Variants in NUP210 observed in about 807,000 individuals in gnomAD.
The protein encoded by NUP210 is nucleoporin 210, also known as nuclear pore membrane glycoprotein 210.
Under a neutral mutation model 196.0 loss-of-function variants are expected in NUP210, and 151 were observed. That is an observed-to-expected ratio of 0.77 (90% CI 0.67 to 0.88). The LOEUF (loss-of-function observed/expected upper bound fraction) is 0.88. Among genes scored for constraint, NUP210 ranks in the 40% least tolerant of loss-of-function variants. The pLI, the probability that NUP210 is intolerant of heterozygous loss-of-function variation, is 0.00. For missense variants in NUP210, 2,314 were observed against 2,493.7 expected (o/e 0.93, Z 1.53); for synonymous variants, 1,070 against 1,052.7 (o/e 1.02, Z -0.32).
chr3:13,381,099 AATCAAGTG>A (rs1363778861), intron 6 of NUP210, among the ~76,000 whole-genome samples: 1 of 152,238 alleles, frequency 6.6e-6, no homozygotes, highest in Non-Finnish European at 1.5e-5. Flanking sequence ...CCTCATCTCT[AATCAAGTG>A]ATTCTTGCAG....
Position 13,323,440 on chromosome 3 carries a change from G to A in NUP210, c.4645-8C>T, listed in dbSNP as rs757565706. The A allele has an allele frequency of 6.2e-7, 1 of 1,613,832 alleles. No homozygotes were observed. Among genetic ancestry groups the A allele is most frequent in the Non-Finnish European group, 8.5e-7 (1 of 1,179,872 alleles). On this transcript the variant is annotated splice_polypyrimidine_tract_variant and splice_region_variant and intron_variant, in intron 33 of 39. Coordinates refer to ENST00000254508, the MANE Select transcript of NUP210 (RefSeq NM_024923.4). This position sits in a 1 kb window ranked among gnomAD's most constrained non-coding sequence, Gnocchi z 4.3. ...AGGGACGCTGACCACCACCTAGAGA[G>A]GGAGCCAAGGAAGCTTCATGGAGCG...
At chr3:13,366,681 C>A (rs970113752) in intron 13 of NUP210, among the ~76,000 whole-genome samples, 3 of 151,698 alleles carry the variant, frequency 2.0e-5, no homozygotes, top group African/African-American at 4.8e-5. Context: ...CCACGCCCAG[C>A]TAATTCTTTG....
At chr3:13,417,537 G>A (rs183792832) in intron 1 of NUP210, among the ~76,000 whole-genome samples, 74 of 152,270 alleles carry the variant, frequency 4.9e-4, no homozygotes, top group Non-Finnish European at 7.9e-4. Flanking sequence ...AGAGGACTGT[G>A]GATATATGTC....
At chr3:13,362,180 C>T (rs1698393575) in intron 14 of NUP210, among the ~76,000 whole-genome samples, 1 of 152,048 alleles carries the variant, frequency 6.6e-6, no homozygotes, top group Non-Finnish European at 1.5e-5. Flanking sequence ...GAAGGAAAAA[C>T]CTTATAAGAA....
At chr3:13,369,517 C>T (rs1324596589) in intron 13 of NUP210, among the ~76,000 whole-genome samples, 1 of 152,202 alleles carries the variant, frequency 6.6e-6, no homozygotes, top group Non-Finnish European at 1.5e-5. Context: ...AGCTTTCCTC[C>T]AGTTTTCTTT....
intron 29 of NUP210, 58 bp downstream of exon 29, chr3:13,332,235 G>T: frequency 1.5e-6 from 2 of 1,351,632 alleles, no homozygotes; most frequent in Non-Finnish European, 2.1e-6. Flanking sequence ...GACACATGAG[G>T]TGTCGGATGC....
At chr3:13,375,274 C>G (rs1698862505) in intron 11 of NUP210, among the ~76,000 whole-genome samples, 2 of 151,678 alleles carry the variant, frequency 1.3e-5, no homozygotes, top group African/African-American at 4.8e-5. Flanking sequence ...CAGGTGTTAG[C>G]CACCGCACCC....
chr3:13,371,897 C>T lies in NUP210; in HGVS notation c.1723G>A (p.Asp575Asn), dbSNP rs751004485. ...GGASEVVTLSDCSHFDLAVEV... is the reference protein window; with the variant it reads ...GGASEVVTLSNCSHFDLAVEV... ...ACAGCCAAGTCAAAGTGGGAGCAGT[C>T]GCTCAAGGTGACCACCTCACTGGCC... The change falls in exon 13 of 40, where the codon GAC becomes AAC. Residue 575 changes from aspartate (D) to asparagine (N), a missense_variant. By Grantham distance (23) the Asp-to-Asn change is conservative (BLOSUM62 1). Transcript: ENST00000254508. 5.6e-6 allele frequency: 9 copies of T among 1,610,044 alleles called. No homozygotes were observed. Among genetic ancestry groups the T allele is most frequent in the South Asian group, 5.5e-5 (5 of 90,176 alleles).
At chr3:13,343,675 G>A (rs1279323050) in intron 20 of NUP210, among the ~76,000 whole-genome samples, 1 of 152,212 alleles carries the variant, frequency 6.6e-6, no homozygotes, top group East Asian at 1.9e-4. Context: ...CAACTTGAGG[G>A]CAGAGTGAGG....
intron 20 of NUP210, among the ~76,000 whole-genome samples, chr3:13,343,931 A>G (rs976826484): frequency 4.6e-5 from 7 of 152,236 alleles, no homozygotes; most frequent in Non-Finnish European, 1.0e-4. Context: ...TTTGTGTCTC[A>G]TCACATCCCT....
At position 13,319,082 on chromosome 3, in the gene NUP210, G is replaced by A; in HGVS notation, c.5553C>T (p.His1851=). 1 of 1,604,196 alleles carries A rather than the reference G, an allele frequency of 6.2e-7. No individual in the cohort carries two copies. The highest frequency in any genetic ancestry group is 1.7e-5 in the Admixed American group (1 of 57,946). The change falls in exon 39 of 40, where the codon CAC becomes CAT. Residue 1851 remains histidine, a synonymous_variant. Coordinates refer to ENST00000254508, the MANE Select transcript of NUP210 (RefSeq NM_024923.4). ...AALTPRASPG[H]SPHYFAASSP... ...AGGGGGGCTACTCACAGTGGGGGCT[G>A]TGTCCAGGGCTGGCTCGAGGCGTGA...
rs767046818 is a variant in NUP210 at position 13,358,249 on chromosome 3, A to C, written c.2301T>G (p.Cys767Trp). 18 of 1,612,072 alleles carry C rather than the reference A, an allele frequency of 1.1e-5. No homozygotes were observed. The East Asian group carries it at 3.8e-4, about 34-fold the overall frequency. The stretch of plus-strand genomic sequence containing the variant: ...CCTGCTTGTTCTGCTGCAGCAGCGG[A>C]CAGGACATGTCCAGCTGGGGGCTGG... ...VYTSPQLDMS[C>W]PLLQQNKQVV... The change falls in exon 16 of 40, where the codon TGT becomes TGG. Residue 767 changes from cysteine to tryptophan, a missense_variant. Cys to Trp is a radical substitution (Grantham distance 215). Transcript: ENST00000254508.
intron 4 of NUP210, among the ~76,000 whole-genome samples, chr3:13,389,299 G>A (rs1036350563): frequency 3.3e-5 from 5 of 152,212 alleles, no homozygotes; most frequent in African/African-American, 1.2e-4. Flanking sequence ...TGGGGAATGG[G>A]GTATTGTCAG....
chr3:13,399,414 G>C (rs533204518), intron 2 of NUP210, among the ~76,000 whole-genome samples: 74 of 152,240 alleles, frequency 4.9e-4, no homozygotes, highest in Non-Finnish European at 7.9e-4. Context: ...GAAGGAAAAG[G>C]AGTGATCTCA....
chr3:13,337,670 C>A (rs1342959506), intron 26 of NUP210, among the ~76,000 whole-genome samples, 167 bp downstream of exon 26: 1 of 152,166 alleles, frequency 6.6e-6, no homozygotes, highest in African/African-American at 2.4e-5. Flanking sequence ...TCAGTGGCTA[C>A]CAGAGAGCAA....
chr3:13,420,312 G>A lies in NUP210; in HGVS notation c.-86C>T. On this transcript the variant is annotated 5_prime_UTR_variant, in exon 1 of 40. Coordinates refer to ENST00000254508, the MANE Select transcript of NUP210 (RefSeq NM_024923.4). The surrounding 1 kb of genome is among the most constrained non-coding windows in gnomAD (Gnocchi z 4.8). Reference sequence around the variant, plus strand: ...TCCGCTCCCGCCCGCGCGCGCGCCAGGCCAGCAGGTGATGAGCGCGGGGGC... The same window carrying A: ...TCCGCTCCCGCCCGCGCGCGCGCCAAGCCAGCAGGTGATGAGCGCGGGGGC... The A allele has an allele frequency of 1.1e-6, 1 of 895,038 alleles. No homozygotes were observed. Among genetic ancestry groups the A allele is most frequent in the Non-Finnish European group, 1.3e-6 (1 of 744,194 alleles). 55.4% of individuals were successfully genotyped at this position (895,038 alleles called of 1,614,324 possible).
intron 2 of NUP210, among the ~76,000 whole-genome samples, chr3:13,398,759 C>T (rs569943534): frequency 6.6e-6 from 1 of 152,044 alleles, no homozygotes; most frequent in Non-Finnish European, 1.5e-5. Context: ...CAACTCGCCA[C>T]AAAAAATTTT....
At position 13,330,585 on chromosome 3, in the gene NUP210, C is replaced by A. The variant is rs746131631; in HGVS notation, c.3985G>T (p.Val1329Phe). The A allele has an allele frequency of 6.2e-7, 1 of 1,614,096 alleles. No individual in the cohort carries two copies. The highest frequency in any genetic ancestry group is 8.5e-7 in the Non-Finnish European group (1 of 1,180,048). The change falls in exon 30 of 40, where the codon GTT becomes TTT. Residue 1329 changes from valine to phenylalanine, a missense_variant. Transcript: ENST00000254508. The stretch of plus-strand genomic sequence containing the variant: ...TTCTCATCAACATGCACAACTGGAA[C>A]CTTTTCGGGTCCATCCAGGACGCGG... ...SYRVLDGPEK[V>F]PVVHVDEKGF...
rs140839728 is a variant in NUP210, at chr3:13,394,870, T to A, written c.436+2487A>T. Among the ~76,000 whole-genome samples, 421 of 152,064 alleles carry A rather than the reference T, an allele frequency of 2.8e-3. 3 individuals are homozygous for A. The highest frequency in any genetic ancestry group is 9.9e-3 in the African/African-American group (412 of 41,468). On this transcript the variant is annotated intron_variant, in intron 3 of 39. Coordinates refer to ENST00000254508, the MANE Select transcript of NUP210 (RefSeq NM_024923.4). ...GAGGAGACTCTGATCAGAAAAGAGG[T>A]CACAGGCTCAGAAAAAAAGGCAAAA...
Sources: gnomAD v4.1 joint callset for allele counts (sites outside exome capture counted in the v4.1 genomes callset) on GRCh38, gnomAD v4.1.1 for gene constraint, Gnocchi (gnomAD v3.1) non-coding constraint, MANE v1.5 for transcripts, NCBI Gene and HGNC (gene_info 2026-07-23, HGNC 2026-07-21) for gene names.